NRXN1: variants seen among roughly 807,000 people sequenced by gnomAD.
NRXN1 encodes neurexin 1.
Under a neutral mutation model 150.9 loss-of-function variants are expected in NRXN1, and 39 were observed. That is an observed-to-expected ratio of 0.26 (90% CI 0.20 to 0.34). The LOEUF (loss-of-function observed/expected upper bound fraction) is 0.34, where lower values mean the gene tolerates loss of function less well. Ranked by LOEUF, NRXN1 falls within the 10% of genes least tolerant of loss-of-function variation. The probability of loss-of-function intolerance (pLI) is 1.00; values close to 1 mark genes in which losing one functional copy is unlikely to be tolerated. For missense variants in NRXN1, 1,815 were observed against 1,949.9 expected, an observed-to-expected ratio of 0.93 and a Z score of 1.30; for synonymous variants, 924 against 757.0, an observed-to-expected ratio of 1.22 and a Z score of -3.62.
intron 5 of NRXN1, among the ~76,000 whole-genome samples, chr2:50,775,478 T>TA (rs1193886991): frequency 1.1e-4 from 17 of 152,190 alleles, no homozygotes; most frequent in African/African-American, 3.9e-4. Context: ...ATAACTATTA[T>TA]TGTTAGCAAG....
intron 17 of NRXN1, among the ~76,000 whole-genome samples, chr2:50,355,221 T>C (rs2078707652): frequency 6.7e-6 from 1 of 149,068 alleles, no homozygotes; most frequent in Admixed American, 6.8e-5. Flanking sequence ...CCCACCCAAT[T>C]CAGAAATTCA....
intron 21 of NRXN1, among the ~76,000 whole-genome samples, chr2:49,977,874 G>T (rs1329604182): frequency 3.9e-5 from 6 of 152,088 alleles, no homozygotes; most frequent in Non-Finnish European, 8.8e-5. Context: ...TAAAGGTATG[G>T]ACAGAAAATG....
intron 21 of NRXN1, among the ~76,000 whole-genome samples, chr2:49,988,939 G>A (rs1410965162): frequency 3.9e-5 from 6 of 152,138 alleles, no homozygotes; most frequent in African/African-American, 1.2e-4. Context: ...ACAGAAATCA[G>A]GCAGGAATTT....
At chr2:50,621,150 A>C in intron 7 of NRXN1, 76 bp downstream of exon 7, 1 of 1,338,496 alleles carries the variant, frequency 7.5e-7, no homozygotes, top group Non-Finnish European at 1.0e-6. Context: ...AGTTAAAAGA[A>C]AGAAAGAAAA....
chr2:50,352,729 T>A (rs2078499246), intron 17 of NRXN1, among the ~76,000 whole-genome samples: 1 of 145,342 alleles, frequency 6.9e-6, no homozygotes, highest in South Asian at 2.2e-4. Flanking sequence ...AAGAGTAAGA[T>A]CAGAAAATGA....
chr2:50,329,837 C>T (rs1283549334), intron 17 of NRXN1, among the ~76,000 whole-genome samples: 1 of 150,450 alleles, frequency 6.6e-6, no homozygotes, highest in Non-Finnish European at 1.5e-5. Context: ...CCATGCCCGG[C>T]TAATTTTTTT....
intron 21 of NRXN1, among the ~76,000 whole-genome samples, chr2:50,020,758 T>G (rs1687445489): frequency 6.6e-6 from 1 of 152,190 alleles, no homozygotes. Flanking sequence ...TAAAAAGAAA[T>G]TCTCTCTTTA....
intron 17 of NRXN1, among the ~76,000 whole-genome samples, chr2:50,260,196 G>T (rs1288162507): frequency 6.6e-6 from 1 of 151,732 alleles, no homozygotes; most frequent in East Asian, 1.9e-4. Flanking sequence ...GTGGTCATGG[G>T]TACTGGTAGC....
At chr2:50,253,994 A>T (rs2067430354) in intron 17 of NRXN1, among the ~76,000 whole-genome samples, 1 of 151,946 alleles carries the variant, frequency 6.6e-6, no homozygotes. Context: ...AAATGGTACC[A>T]GCTCCCCTCT....
Position 50,228,387 on chromosome 2 carries a change from T to C in NRXN1, c.3546+8402A>G, listed in dbSNP as rs922401524. 2.6e-5 allele frequency among the ~76,000 whole-genome samples: 4 copies of C among 151,940 alleles called. No homozygotes were observed. The East Asian group carries it at 5.8e-4, about 22-fold the overall frequency. ...GCAATTCGGTGACAAACTGATTAGA[T>C]TGTAAAGGCAAGCACGGAGTAAAAG... On this transcript the variant is annotated intron_variant, in intron 18 of 22. Coordinates refer to ENST00000401669, the MANE Select transcript of NRXN1 (RefSeq NM_001330078.2).
At chr2:50,896,810 G>C (rs1296942045) in intron 5 of NRXN1, among the ~76,000 whole-genome samples, 1 of 151,364 alleles carries the variant, frequency 6.6e-6, no homozygotes, top group East Asian at 1.9e-4. Flanking sequence ...TTGTGCCACT[G>C]CACCCCAGCC....
intron 5 of NRXN1, among the ~76,000 whole-genome samples, chr2:50,694,823 A>T (rs1389845609): frequency 6.6e-6 from 1 of 152,326 alleles, no homozygotes; most frequent in African/African-American, 2.4e-5. Context: ...TACAAAATAA[A>T]GGCTTTATTC....
intron 22 of NRXN1, among the ~76,000 whole-genome samples, chr2:49,931,761 T>A (rs1670162392): frequency 6.6e-6 from 1 of 152,148 alleles, no homozygotes; most frequent in South Asian, 2.1e-4. Context: ...TATTTTGAAA[T>A]GTGGATGATA....
In NRXN1 at chr2:50,346,261, G is replaced by A. The variant is rs1157441450; in HGVS notation, c.3365-109291C>T. Among the ~76,000 whole-genome samples the A allele has an allele frequency of 6.6e-6, 1 of 152,196 alleles. No homozygotes were observed. The highest frequency in any genetic ancestry group is 1.5e-5 in the Non-Finnish European group (1 of 68,040). ...CCCCCGGGGCCAGGGAAGATGGGCA[G>A]GAGGTGGGGCAGCATATACAGCACA... On this transcript the variant is annotated intron_variant, in intron 17 of 22. Coordinates refer to ENST00000401669, the MANE Select transcript of NRXN1 (RefSeq NM_001330078.2). This position sits in a 1 kb window ranked among gnomAD's most constrained non-coding sequence, Gnocchi z 5.0.
At chr2:50,382,505 G>GTA (rs1243909291) in intron 17 of NRXN1, among the ~76,000 whole-genome samples, 1 of 152,098 alleles carries the variant, frequency 6.6e-6, no homozygotes, top group African/African-American at 2.4e-5. Context: ...TTCTTCAAAA[G>GTA]TATAGGGAAA....
chr2:50,503,215 G>A (rs1476941537), intron 13 of NRXN1, among the ~76,000 whole-genome samples: 3 of 151,882 alleles, frequency 2.0e-5, no homozygotes, highest in Non-Finnish European at 4.4e-5. Flanking sequence ...AGCTGAGACA[G>A]GAGAATCACT....
intron 5 of NRXN1, among the ~76,000 whole-genome samples, chr2:50,641,098 C>T (rs964774390): frequency 2.6e-5 from 4 of 152,150 alleles, no homozygotes; most frequent in Admixed American, 6.5e-5. Flanking sequence ...AAATTTTAAA[C>T]GTCTAAGCTG....
intron 17 of NRXN1, among the ~76,000 whole-genome samples, chr2:50,333,294 C>T (rs182341763): frequency 1.6e-4 from 24 of 152,252 alleles, no homozygotes; most frequent in African/African-American, 5.3e-4. Flanking sequence ...TTAAAGTGAC[C>T]GGGCTGCAAC....
intron 17 of NRXN1, among the ~76,000 whole-genome samples, chr2:50,258,614 C>T (rs553305511): frequency 2.3e-4 from 35 of 152,006 alleles, no homozygotes; most frequent in African/African-American, 8.0e-4. Context: ...ATATTTTTAC[C>T]GTCTTCCCTG....
Sources: allele counts gnomAD v4.1 joint callset (sites outside exome capture counted in the v4.1 genomes callset), GRCh38; gene constraint gnomAD v4.1.1; non-coding constraint Gnocchi (gnomAD v3.1); transcripts MANE v1.5; gene names NCBI Gene and HGNC (gene_info 2026-07-23, HGNC 2026-07-21).